LRP1B: variants seen among roughly 807,000 people sequenced by gnomAD.
LRP1B encodes low-density lipoprotein receptor-related protein 1B.
Under a neutral mutation model 556.6 loss-of-function variants are expected in LRP1B, and 217 were observed. That is an observed-to-expected ratio of 0.39 (90% CI 0.35 to 0.44). LRP1B has a LOEUF of 0.44. Ranked by LOEUF, LRP1B falls within the 20% of genes least tolerant of loss-of-function variation. The pLI, the probability that LRP1B is intolerant of heterozygous loss-of-function variation, is 1.00. For missense variants in LRP1B, 5,053 were observed against 5,620.8 expected (o/e 0.90, Z 3.23); for synonymous variants, 2,047 against 1,865.8 (o/e 1.10, Z -2.50).
At chr2:141,657,971 A>G (rs1031382877) in intron 2 of LRP1B, among the ~76,000 whole-genome samples, 1 of 152,184 alleles carries the variant, frequency 6.6e-6, no homozygotes, top group Admixed American at 6.5e-5. Context: ...ATCATCCACA[A>G]ACCCACCTAG....
At chr2:140,736,081 T>C (rs1448125881) in intron 35 of LRP1B, among the ~76,000 whole-genome samples, 1 of 152,110 alleles carries the variant, frequency 6.6e-6, no homozygotes, top group Non-Finnish European at 1.5e-5. Context: ...AAACTATGCC[T>C]TTCTTCATGT....
At position 140,440,860 on chromosome 2, in the gene LRP1B, G is replaced by C. The variant is rs191445325; in HGVS notation, c.10414+1644C>G. 5.9e-5 allele frequency among the ~76,000 whole-genome samples: 9 copies of C among 151,990 alleles called. No individual in the cohort carries two copies. In the East Asian group the frequency reaches 1.7e-3, roughly 29 times the overall value. On this transcript the variant is annotated intron_variant, in intron 66 of 90. Transcript: ENST00000389484. ...TTAAATATATTTTTCTCTTTATATGGAAAGAATGAAGTGTATTTATGCTAT... is the reference window on the plus strand; with the variant it reads ...TTAAATATATTTTTCTCTTTATATGCAAAGAATGAAGTGTATTTATGCTAT...
chr2:140,961,340 A>G (rs776729150), intron 18 of LRP1B, among the ~76,000 whole-genome samples: 2 of 152,042 alleles, frequency 1.3e-5, no homozygotes, highest in Admixed American at 6.6e-5. Flanking sequence ...AAGGAATTCC[A>G]TAAAAGCAAT....
At position 141,870,533 on chromosome 2, in the gene LRP1B, C is replaced by A. The variant is rs192106404; in HGVS notation, c.83-60132G>T. On this transcript the variant is annotated intron_variant, in intron 1 of 90. Coordinates refer to ENST00000389484, the MANE Select transcript of LRP1B (RefSeq NM_018557.3). ...CAAGTAGATAAAAGTTATGCTTTTG[C>A]TCCATCTTTAAGTCTAAATGCTATA... Among the ~76,000 whole-genome samples the A allele has an allele frequency of 2.6e-5, 4 of 151,994 alleles. No individual in the cohort carries two copies. The South Asian group carries it at 6.2e-4, about 24-fold the overall frequency.
Position 142,057,769 on chromosome 2 carries a change from C to A in LRP1B, c.82+72879G>T, listed in dbSNP as rs138162480. Among the ~76,000 whole-genome samples, 179 of 152,198 alleles carry A rather than the reference C, an allele frequency of 1.2e-3. 1 individual carries two copies. Among genetic ancestry groups the A allele is most frequent in the African/African-American group, 4.1e-3 (171 of 41,544 alleles). On this transcript the variant is annotated intron_variant, in intron 1 of 90. Coordinates refer to ENST00000389484, the MANE Select transcript of LRP1B (RefSeq NM_018557.3). ...TAAGTGTGTGTCTCTCGCCTTAAAC[C>A]TTTTGCCTAAATTTTTGTTTTCTCA...
chr2:141,565,415 G>C (rs1686296926), intron 2 of LRP1B, among the ~76,000 whole-genome samples: 1 of 152,104 alleles, frequency 6.6e-6, no homozygotes, highest in Non-Finnish European at 1.5e-5. Flanking sequence ...AAGTGGAAAG[G>C]AGCAAAAAGA....
intron 43 of LRP1B, among the ~76,000 whole-genome samples, chr2:140,576,244 A>G (rs1681520834): frequency 6.6e-6 from 1 of 152,082 alleles, no homozygotes; most frequent in Non-Finnish European, 1.5e-5. Context: ...CTAACTCTAG[A>G]CTTTGCTCCA....
chr2:141,699,884 C>T (rs547238860), intron 2 of LRP1B, among the ~76,000 whole-genome samples: 1 of 148,474 alleles, frequency 6.7e-6, no homozygotes, highest in African/African-American at 2.5e-5. Flanking sequence ...CGAGATAGCC[C>T]AAATGAAATA....
intron 2 of LRP1B, among the ~76,000 whole-genome samples, chr2:141,660,870 T>G (rs950703933): frequency 6.6e-6 from 1 of 152,134 alleles, no homozygotes; most frequent in Non-Finnish European, 1.5e-5. Flanking sequence ...GCCTCCTGAC[T>G]GGGTGAGACC....
chr2:140,865,666 G>A (rs761142620), intron 27 of LRP1B, among the ~76,000 whole-genome samples: 1 of 151,924 alleles, frequency 6.6e-6, no homozygotes, highest in Non-Finnish European at 1.5e-5. Flanking sequence ...TTTCATTTAG[G>A]AAATAGCAAG....
Position 140,534,074 on chromosome 2 carries a change from A to T in LRP1B, c.7709T>A (p.Leu2570Ter). The T allele has an allele frequency of 6.2e-7, 1 of 1,613,484 alleles. No individual in the cohort carries two copies. Residue 2570 changes from leucine (L) to a stop codon, truncating the protein, a stop_gained, in exon 47 of 91, where the codon TTA (leucine) becomes TAA (stop). Transcript: ENST00000389484. LOFTEE classifies it high-confidence loss of function. ...YNRRCIPHGK[L>*]CDGENDCGDN... ...TCCGCAGTCATTTTCTCCATCACAT[A>T]ACTTGCCATGAGGAATGCAGCGGCG...
At chr2:141,194,450 G>A (rs1681660947) in intron 6 of LRP1B, among the ~76,000 whole-genome samples, 1 of 151,942 alleles carries the variant, frequency 6.6e-6, no homozygotes, top group Non-Finnish European at 1.5e-5. Flanking sequence ...ACCTAAAAAA[G>A]GCAGCCTCAA....
intron 1 of LRP1B, among the ~76,000 whole-genome samples, chr2:142,122,782 C>T (rs767497831): frequency 7.9e-5 from 12 of 151,888 alleles, no homozygotes; most frequent in African/African-American, 1.5e-4. Context: ...GAAAAAAATG[C>T]CTTAAAAGTT....
rs188800177 is a variant in LRP1B, at chr2:140,627,984, A to G, written c.6800-26345T>C. 3.2e-3 allele frequency among the ~76,000 whole-genome samples: 494 copies of G among 152,344 alleles called. 3 individuals are homozygous for G. Among genetic ancestry groups the G allele is most frequent in the Middle Eastern group, 0.01 (3 of 294 alleles). On this transcript the variant is annotated intron_variant, in intron 41 of 90. Transcript: ENST00000389484. The stretch of plus-strand genomic sequence containing the variant: ...TTTTGTGCCTCTCAGTAATGAGACT[A>G]CTAATCTGAACAGTTGTTAAGCAAC...
intron 2 of LRP1B, among the ~76,000 whole-genome samples, chr2:141,743,504 T>TTTTTTTTTTTTTTTC (rs1693794600): frequency 1.3e-5 from 1 of 79,008 alleles, no homozygotes; most frequent in Non-Finnish European, 2.7e-5. Flanking sequence ...TTTTTTTCTT[T>TTTTTTTTTTTTTTTC]TTTTTTTTTT....
At chr2:141,632,315 C>T (rs1382333206) in intron 2 of LRP1B, among the ~76,000 whole-genome samples, 2 of 152,084 alleles carry the variant, frequency 1.3e-5, no homozygotes, top group Non-Finnish European at 2.9e-5. Flanking sequence ...ATTGATATTT[C>T]CAATTCCCTA....
chr2:140,862,171 A>G (rs1221049523), intron 27 of LRP1B, among the ~76,000 whole-genome samples: 2 of 152,184 alleles, frequency 1.3e-5, no homozygotes, highest in Non-Finnish European at 2.9e-5. Flanking sequence ...GCACATTTCA[A>G]AGTTTAATTT....
chr2:141,922,925 C>T (rs1700228691), intron 1 of LRP1B, among the ~76,000 whole-genome samples: 1 of 144,274 alleles, frequency 6.9e-6, no homozygotes. Context: ...CATAGTGAGA[C>T]CTTGTTTCTA....
chr2:140,935,724 A>G (rs1024346257), intron 20 of LRP1B, among the ~76,000 whole-genome samples: 6 of 152,232 alleles, frequency 3.9e-5, no homozygotes, highest in East Asian at 1.9e-4. Context: ...TAAGCAAACT[A>G]TCTAAAGAAA....
Sources: allele counts gnomAD v4.1 joint callset (sites outside exome capture counted in the v4.1 genomes callset), GRCh38; gene constraint gnomAD v4.1.1; transcripts MANE v1.5; gene names NCBI Gene and HGNC (gene_info 2026-07-23, HGNC 2026-07-21).